The following CSMD1 variants were observed in gnomAD, a reference collection of about 807,000 sequenced individuals.
CSMD1 encodes CUB and sushi domain-containing protein 1.
In CSMD1, 213 loss-of-function variants were observed where a neutral mutation model predicts 417.5. The observed-to-expected ratio is 0.51, with a 90% CI of 0.46 to 0.57. CSMD1 has a LOEUF of 0.57. Among genes scored for constraint, CSMD1 ranks in the 20% least tolerant of loss-of-function variants. The pLI is 0.00. For synonymous variants in CSMD1, 2,862 were observed against 1,736.8 expected, an observed-to-expected ratio of 1.65 and a Z score of -16.11; for missense variants, 6,923 against 4,529.7, an observed-to-expected ratio of 1.53 and a Z score of -15.17.
intron 26 of CSMD1, among the ~76,000 whole-genome samples, chr8:3,254,945 C>G (rs954478836): frequency 1.3e-5 from 2 of 152,154 alleles, no homozygotes; most frequent in Admixed American, 6.5e-5. Context: ...AGGAGAGGTG[C>G]TCTGATTTTT....
chr8:4,659,578 A>G (rs910542127), intron 1 of CSMD1, among the ~76,000 whole-genome samples: 1 of 152,132 alleles, frequency 6.6e-6, no homozygotes, highest in Non-Finnish European at 1.5e-5. Context: ...TCAGATACCC[A>G]GAAGAGTTAT....
chr8:4,022,972 A>G (rs1259180691), intron 4 of CSMD1, among the ~76,000 whole-genome samples: 2 of 152,230 alleles, frequency 1.3e-5, no homozygotes, highest in Admixed American at 1.3e-4. Context: ...GGGCAAATAA[A>G]TAGCAGTATG....
intron 41 of CSMD1, among the ~76,000 whole-genome samples, chr8:3,139,594 G>C (rs895894396): frequency 2.0e-5 from 3 of 152,166 alleles, no homozygotes; most frequent in African/African-American, 7.2e-5. Context: ...AACAGGTGTA[G>C]AAATTGAGAA....
At chr8:4,781,661 T>C (rs993263946) in intron 1 of CSMD1, among the ~76,000 whole-genome samples, 3 of 152,216 alleles carry the variant, frequency 2.0e-5, no homozygotes, top group African/African-American at 7.2e-5. Context: ...TGTATTCAAC[T>C]GTAAAATGGT....
rs1420749329 is a variant in CSMD1, at chr8:3,237,878, C to CT, written c.4154-7648dup. Among the ~76,000 whole-genome samples, 30 of 128,232 alleles carry CT rather than the reference C, an allele frequency of 2.3e-4. 4 individuals are homozygous for CT. Among genetic ancestry groups the CT allele is most frequent in the South Asian group, 4.9e-4 (2 of 4,062 alleles). The allele number at this position is 128,232 out of a possible 152,430, so 84.1% of individuals were successfully genotyped here. On this transcript the variant is annotated intron_variant, in intron 26 of 69. Transcript: ENST00000635120. ...TATAAATATAATTTTTATAATTATA[C>CT]TATAAATATAATTTTTATAATTATA... is the stretch of plus-strand genomic sequence containing the variant.
chr8:4,754,855 T>A (rs1342537478), intron 1 of CSMD1, among the ~76,000 whole-genome samples: 1 of 142,424 alleles, frequency 7.0e-6, no homozygotes, highest in African/African-American at 2.7e-5. Context: ...AAAAACAAAG[T>A]CGGATGAGTG....
At chr8:3,924,784 C>G (rs917083312) in intron 5 of CSMD1, among the ~76,000 whole-genome samples, 6 of 152,168 alleles carry the variant, frequency 3.9e-5, no homozygotes, top group African/African-American at 1.4e-4. Context: ...CTCTTCAACT[C>G]TCTATTCGTG....
chr8:4,439,460 C>G (rs975056066), intron 2 of CSMD1, among the ~76,000 whole-genome samples: 27 of 152,100 alleles, frequency 1.8e-4, no homozygotes, highest in Admixed American at 8.5e-4. Context: ...TCCTAACATT[C>G]TTATGTTTTC....
intron 3 of CSMD1, among the ~76,000 whole-genome samples, chr8:4,078,075 T>C (rs1487300156): frequency 1.3e-5 from 2 of 152,092 alleles, no homozygotes; most frequent in South Asian, 4.1e-4. Context: ...TTGTAAGAAA[T>C]GCCTACATGC....
rs543505630 is a variant in CSMD1 at position 3,397,577 on chromosome 8, G to A, written c.2406-1196C>T. ...GCTGCCACATTTGGGATTGCATAGT[G>A]CCAACTTTGTCTTATGACACTATTC... is the stretch of plus-strand genomic sequence containing the variant. On this transcript the variant is annotated intron_variant, in intron 16 of 69. Transcript: ENST00000635120. Among the ~76,000 whole-genome samples the A allele has an allele frequency of 1.7e-4, 26 of 152,292 alleles. 1 individual carries two copies. The South Asian group carries it at 4.8e-3, about 28-fold the overall frequency.
At chr8:4,035,057 T>C (rs992355766) in intron 3 of CSMD1, among the ~76,000 whole-genome samples, 3 of 152,158 alleles carry the variant, frequency 2.0e-5, no homozygotes, top group Non-Finnish European at 2.9e-5. Flanking sequence ...CAAATGATTA[T>C]CGTGCAGAAA....
At chr8:4,655,701 G>C (rs1429460849) in intron 1 of CSMD1, among the ~76,000 whole-genome samples, 1 of 152,084 alleles carries the variant, frequency 6.6e-6, no homozygotes, top group African/African-American at 2.4e-5. Flanking sequence ...AGGACACGAA[G>C]AGGTGTTAAC....
rs932613764 is a variant in CSMD1, at chr8:3,352,770, G to A, written c.3305-4609C>T. Reference sequence around the variant, plus strand: ...CCGGAGACTTGCTTGAACCCAGGAGGTGGAGGTTGCAGTGAACCAAGATCG... The same window carrying A: ...CCGGAGACTTGCTTGAACCCAGGAGATGGAGGTTGCAGTGAACCAAGATCG... On this transcript the variant is annotated intron_variant, in intron 21 of 69. Transcript: ENST00000635120. 3.9e-5 allele frequency among the ~76,000 whole-genome samples: 6 copies of A among 152,302 alleles called. No homozygotes were observed. The East Asian group carries it at 9.6e-4, about 24-fold the overall frequency.
chr8:4,668,044 T>A (rs529745303), intron 1 of CSMD1, among the ~76,000 whole-genome samples: 1 of 152,214 alleles, frequency 6.6e-6, no homozygotes, highest in Non-Finnish European at 1.5e-5. Context: ...CCTCATCTCT[T>A]ATTTTGTAAC....
chr8:4,077,474 G>C (rs1009561695), intron 3 of CSMD1, among the ~76,000 whole-genome samples: 33 of 151,656 alleles, frequency 2.2e-4, no homozygotes, highest in African/African-American at 7.0e-4. Context: ...TAAATGTCTA[G>C]TTGAGGCTTC....
chr8:3,373,451 A>T (rs562328296), intron 18 of CSMD1: 5 of 152,364 alleles, frequency 3.3e-5, no homozygotes, highest in African/African-American at 1.2e-4. Flanking sequence ...TGAAGACTTT[A>T]CATAAAAGTA....
At chr8:4,251,986 G>C (rs193005904) in intron 3 of CSMD1, among the ~76,000 whole-genome samples, 4 of 152,002 alleles carry the variant, frequency 2.6e-5, no homozygotes, top group Non-Finnish European at 4.4e-5. Flanking sequence ...AGAAAACAGA[G>C]CTAATTACAA....
chr8:4,904,962 C>T (rs1228380990), intron 1 of CSMD1, among the ~76,000 whole-genome samples: 7 of 152,078 alleles, frequency 4.6e-5, no homozygotes, highest in Non-Finnish European at 1.0e-4. Context: ...ACCATGCCGC[C>T]GCTTCAACCA....
intron 3 of CSMD1, among the ~76,000 whole-genome samples, chr8:4,409,806 A>G (rs1255164845): frequency 6.6e-6 from 1 of 151,990 alleles, no homozygotes; most frequent in Non-Finnish European, 1.5e-5. Context: ...AAATAACAAT[A>G]CCGTACTTTT....
Sources: gnomAD v4.1 joint callset for allele counts (sites outside exome capture counted in the v4.1 genomes callset) on GRCh38, gnomAD v4.1.1 for gene constraint, MANE v1.5 for transcripts, NCBI Gene and HGNC (gene_info 2026-07-23, HGNC 2026-07-21) for gene names.